Variants in ERCC1 observed in about 807,000 individuals in gnomAD.
The protein encoded by ERCC1 is ERCC excision repair 1, endonuclease non-catalytic subunit, also known as DNA excision repair protein ERCC-1.
A neutral mutation model predicts 37.6 loss-of-function variants in ERCC1; 36 were observed. The observed-to-expected ratio is 0.96, with a 90% CI of 0.73 to 1.26. The LOEUF (loss-of-function observed/expected upper bound fraction) is 1.26, where lower values mean the gene tolerates loss of function less well. ERCC1 is among the 50% of genes most tolerant of loss of function. The pLI, the probability that ERCC1 is intolerant of heterozygous loss-of-function variation, is 0.00. For missense variants in ERCC1, 349 were observed against 376.5 expected (o/e 0.93, Z 0.60); for synonymous variants, 156 against 162.1 (o/e 0.96, Z 0.28).
chr19:45,408,258 C>A lies in ERCC1; in HGVS notation c.*1417G>T. On this transcript the variant is annotated 3_prime_UTR_variant, in exon 10 of 10. Coordinates refer to ENST00000300853, the MANE Select transcript of ERCC1 (RefSeq NM_001983.4). ...GCTGGAGAAGCGACCCTGCTGGCCC[C>A]CTCAACGGAGGCAGGAGGTGGACTC... 6.2e-7 allele frequency: 1 copy of A among 1,614,104 alleles called. No individual in the cohort carries two copies. The highest frequency in any genetic ancestry group is 8.5e-7 in the Non-Finnish European group (1 of 1,179,974).
In ERCC1 at chr19:45,419,192, C is replaced by G. The variant is rs745774178; in HGVS notation, c.431G>C (p.Arg144Pro). 1 of 1,590,294 alleles carries G rather than the reference C, an allele frequency of 6.3e-7. No individual in the cohort carries two copies. The highest frequency in any genetic ancestry group is 8.6e-7 in the Non-Finnish European group (1 of 1,167,148). Residue 144 changes from arginine to proline, a missense_variant, in exon 5 of 10, where the codon CGC becomes CCC. Transcript: ENST00000300853. ...QSTCALFLSLRYHNLHPDYIH... is the reference protein window; with the variant it reads ...QSTCALFLSLPYHNLHPDYIH... ...GTAGTCTGGGTGCAGGTTGTGGTAG[C>G]GGAGGCTGGTGGGGGCAGGGAGCGG...
At position 45,408,277 on chromosome 19, in the gene ERCC1, T is replaced by C. The variant is rs1319768407; in HGVS notation, c.*1398A>G. ...TGGCCCCCTCAACGGAGGCAGGAGG[T>C]GGACTCACCTGTGCCTCAGCCCCCC... On this transcript the variant is annotated 3_prime_UTR_variant, in exon 10 of 10. Coordinates refer to ENST00000300853, the MANE Select transcript of ERCC1 (RefSeq NM_001983.4). 1 of 1,613,726 alleles carries C rather than the reference T, an allele frequency of 6.2e-7. No homozygotes were observed. The highest frequency in any genetic ancestry group is 8.5e-7 in the Non-Finnish European group (1 of 1,179,838).
At chr19:45,430,131 C>T (rs1291939641) in intron 1 of ERCC1, among the ~76,000 whole-genome samples, 1 of 152,188 alleles carries the variant, frequency 6.6e-6, no homozygotes, top group Non-Finnish European at 1.5e-5. Context: ...AACTGGGAGC[C>T]CCATAAGGGC....
At chr19:45,423,234 C>G (rs1438990312) in intron 2 of ERCC1, 36 bp downstream of exon 2, 2 of 1,588,918 alleles carry the variant, frequency 1.3e-6, no homozygotes, top group African/African-American at 2.7e-5. Context: ...CTAACAGCCC[C>G]CAGCCTCCCA....
intron 1 of ERCC1, among the ~76,000 whole-genome samples, chr19:45,431,205 C>T (rs543991066): frequency 4.6e-5 from 7 of 152,314 alleles, no homozygotes; most frequent in African/African-American, 1.4e-4. Context: ...AATGCAGACA[C>T]ACACGTGAGG....
intron 1 of ERCC1, among the ~76,000 whole-genome samples, chr19:45,442,857 C>A (rs1599864877): frequency 6.6e-6 from 1 of 151,952 alleles, no homozygotes; most frequent in Admixed American, 6.6e-5. Flanking sequence ...AGGGCGTGGC[C>A]CCTCCTCAGA....
At position 45,409,037 on chromosome 19, in the gene ERCC1, C is replaced by T; in HGVS notation, c.*638G>A. ...GCCAGTGGAGCCGGAGATGAAGCCT[C>T]TGGAGTCCCCAGGGGGGACCATGGC... On this transcript the variant is annotated 3_prime_UTR_variant, in exon 10 of 10. Coordinates refer to ENST00000300853, the MANE Select transcript of ERCC1 (RefSeq NM_001983.4). The T allele has an allele frequency of 1.2e-6, 2 of 1,614,090 alleles. No individual in the cohort carries two copies. Among genetic ancestry groups the T allele is most frequent in the Admixed American group, 1.7e-5 (1 of 60,008 alleles).
chr19:45,417,775 T>C (rs1216431710), intron 5 of ERCC1, among the ~76,000 whole-genome samples: 1 of 151,982 alleles, frequency 6.6e-6, no homozygotes, highest in Non-Finnish European at 1.5e-5. Flanking sequence ...TCTTGGCTCA[T>C]TGCAACCTCC....
intron 7 of ERCC1, 66 bp from the exon 8 acceptor site, chr19:45,414,100 C>T: frequency 7.5e-7 from 1 of 1,338,204 alleles, no homozygotes; most frequent in Non-Finnish European, 1.1e-6. Flanking sequence ...CCTAGGAGGG[C>T]AGGGCTGGGT....
chr19:45,409,684 T>C lies in ERCC1; in HGVS notation c.885A>G (p.Lys295=), dbSNP rs1973567415. ...LFDVLHEPFL[K]VP ...TTGGCAGCTGGGGTCATCAGGGTAC[T>C]TTCAAGAAGGGCTCGTGCAGGACAT... is the stretch of plus-strand genomic sequence containing the variant. The change falls in exon 10 of 10, where the codon AAA becomes AAG. Residue 295 remains lysine, a synonymous_variant. Coordinates refer to ENST00000300853, the MANE Select transcript of ERCC1 (RefSeq NM_001983.4). 1.8e-6 allele frequency: 2 copies of C among 1,096,938 alleles called. No individual in the cohort carries two copies. Among genetic ancestry groups the C allele is most frequent in the Non-Finnish European group, 2.8e-6 (2 of 708,060 alleles). 68.0% of individuals were successfully genotyped at this position (1,096,938 alleles called of 1,614,324 possible).
rs761532059 is a variant in ERCC1 at position 45,414,058 on chromosome 19, G to A, written c.703-24C>T. ...ACCTGGAAAGGGTGGAGGCAGGAGT[G>A]TGTCGGAAGAAGAAAGGCCAGCAAG... On this transcript the variant is annotated intron_variant, in intron 7 of 9. Coordinates refer to ENST00000300853, the MANE Select transcript of ERCC1 (RefSeq NM_001983.4). 3.1e-5 allele frequency: 49 copies of A among 1,603,058 alleles called. No individual in the cohort carries two copies. The Middle Eastern group carries it at 6.9e-4, about 23-fold the overall frequency.
Position 45,409,128 on chromosome 19 carries a change from C to G in ERCC1, c.*547G>C. On this transcript the variant is annotated 3_prime_UTR_variant, in exon 10 of 10. Coordinates refer to ENST00000300853, the MANE Select transcript of ERCC1 (RefSeq NM_001983.4). ...GCTCTGGCAGCTCCCAAAAAGAAGA[C>G]GAAGAAAGAAAAACAGCAAGATGCC... The G allele has an allele frequency of 6.2e-7, 1 of 1,612,914 alleles. No individual in the cohort carries two copies. Among genetic ancestry groups the G allele is most frequent in the South Asian group, 1.1e-5 (1 of 90,980 alleles).
chr19:45,418,547 G>A (rs374052142), intron 5 of ERCC1, among the ~76,000 whole-genome samples: 1 of 150,798 alleles, frequency 6.6e-6, no homozygotes, highest in Non-Finnish European at 1.5e-5. Flanking sequence ...GATATGGCCA[G>A]GCACGGTGGC....
chr19:45,412,857 A>G (rs1470272360), intron 9 of ERCC1, among the ~76,000 whole-genome samples: 1 of 151,364 alleles, frequency 6.6e-6, no homozygotes, highest in African/African-American at 2.4e-5. Flanking sequence ...GTCCTGCCTC[A>G]GCCTTCCAAG....
At position 45,409,508 on chromosome 19, in the gene ERCC1, C is replaced by A. The variant is rs751736790; in HGVS notation, c.*167G>T. 4 of 1,599,302 alleles carry A rather than the reference C, an allele frequency of 2.5e-6. No individual in the cohort carries two copies. The East Asian group carries it at 9.0e-5, about 36-fold the overall frequency. ...GCAGCAGCAGCCTGTGTAGTCTGCC[C>A]CCGGGAAACTGAGGAACTAAAGAAA... On this transcript the variant is annotated 3_prime_UTR_variant, in exon 10 of 10. Coordinates refer to ENST00000300853, the MANE Select transcript of ERCC1 (RefSeq NM_001983.4).
intron 1 of ERCC1, among the ~76,000 whole-genome samples, chr19:45,434,839 G>A (rs903413137): frequency 5.9e-5 from 9 of 151,924 alleles, no homozygotes; most frequent in South Asian, 2.1e-4. Flanking sequence ...GCAATAGTGC[G>A]ATCTTGGCTC....
chr19:45,416,763 G>C (rs1042240006), intron 6 of ERCC1, 58 bp downstream of exon 6: 1 of 1,339,090 alleles, frequency 7.5e-7, no homozygotes, highest in African/African-American at 1.4e-5. Context: ...GGTGGGATGG[G>C]GGAGCAGGGA....
intron 1 of ERCC1, 187 bp from the exon 2 acceptor site, chr19:45,423,568 G>A: frequency 2.1e-6 from 3 of 1,426,498 alleles, no homozygotes; most frequent in Non-Finnish European, 2.7e-6. Context: ...GGCTCGCCCC[G>A]CCCCTTACAG....
chr19:45,447,279 T>C (rs888779281), intron 1 of ERCC1, among the ~76,000 whole-genome samples: 168 of 150,126 alleles, frequency 1.1e-3, no homozygotes, highest in African/African-American at 3.8e-3. Context: ...TCTTTTTTTT[T>C]TTTTTTTTTT....
Sources: gnomAD v4.1 joint callset for allele counts (sites outside exome capture counted in the v4.1 genomes callset) on GRCh38, gnomAD v4.1.1 for gene constraint, MANE v1.5 for transcripts, NCBI Gene and HGNC (gene_info 2026-07-23, HGNC 2026-07-21) for gene names.